SAMD4A: variants seen among roughly 807,000 people sequenced by gnomAD.
SAMD4A encodes the protein protein Smaug homolog 1.
In SAMD4A, 33 loss-of-function variants were observed where a neutral mutation model predicts 81.3. That is an observed-to-expected ratio of 0.41 (90% CI 0.31 to 0.54). SAMD4A has a LOEUF of 0.54. Ranked by LOEUF, SAMD4A falls within the 20% of genes least tolerant of loss-of-function variation. SAMD4A has a pLI of 0.37. For missense variants in SAMD4A, 854 were observed against 951.1 expected (o/e 0.90, Z 1.34); for synonymous variants, 389 against 382.1 (o/e 1.02, Z -0.21).
At chr14:54,709,671 C>A (rs1170490787) in intron 3 of SAMD4A, among the ~76,000 whole-genome samples, 1 of 152,150 alleles carries the variant, frequency 6.6e-6, no homozygotes, top group Non-Finnish European at 1.5e-5. Flanking sequence ...GTGTTCTTCA[C>A]CACGAGCCTG....
intron 3 of SAMD4A, among the ~76,000 whole-genome samples, chr14:54,708,436 T>C (rs963725709): frequency 9.9e-5 from 15 of 152,160 alleles, no homozygotes; most frequent in Non-Finnish European, 1.8e-4. Context: ...GTGTGCAGTT[T>C]GGGAGAGAGA....
At chr14:54,659,874 T>G (rs943559101) in intron 2 of SAMD4A, among the ~76,000 whole-genome samples, 18 of 152,150 alleles carry the variant, frequency 1.2e-4, no homozygotes, top group African/African-American at 4.3e-4. Flanking sequence ...ATGTCCTCAC[T>G]GTGGGTCATG....
At chr14:54,708,130 A>C (rs912041964) in intron 3 of SAMD4A, among the ~76,000 whole-genome samples, 3 of 152,244 alleles carry the variant, frequency 2.0e-5, no homozygotes, top group Non-Finnish European at 4.4e-5. Flanking sequence ...AGGCAAGAGA[A>C]GATGGCTCAA....
chr14:54,701,033 G>A (rs1037551623), intron 2 of SAMD4A: 6 of 129,382 alleles, frequency 4.6e-5, no homozygotes, highest in African/African-American at 1.4e-4. Context: ...GGTCTCCTCT[G>A]TCACCCAAGC....
At chr14:54,758,906 C>A (rs112098364) in intron 6 of SAMD4A, among the ~76,000 whole-genome samples, 5 of 152,178 alleles carry the variant, frequency 3.3e-5, no homozygotes, top group African/African-American at 9.6e-5. Flanking sequence ...CCTAGGAAGA[C>A]CTTGATGTGC....
intron 2 of SAMD4A, among the ~76,000 whole-genome samples, chr14:54,598,191 A>G (rs1019381174): frequency 3.3e-5 from 5 of 152,240 alleles, no homozygotes; most frequent in Non-Finnish European, 7.3e-5. Flanking sequence ...TTAAATATCT[A>G]GAAAATGACA....
intron 2 of SAMD4A, among the ~76,000 whole-genome samples, chr14:54,648,832 C>T (rs887382257): frequency 2.6e-5 from 4 of 152,132 alleles, no homozygotes; most frequent in African/African-American, 7.2e-5. Flanking sequence ...GAATGCGGCA[C>T]AGAGAGTAAT....
At chr14:54,672,849 G>C (rs963242221) in intron 2 of SAMD4A, among the ~76,000 whole-genome samples, 1 of 152,204 alleles carries the variant, frequency 6.6e-6, no homozygotes, top group African/African-American at 2.4e-5. Flanking sequence ...GTAATTTGTT[G>C]CTCTGAAACC....
chr14:54,659,434 C>T (rs1214779198), intron 2 of SAMD4A, among the ~76,000 whole-genome samples: 1 of 152,106 alleles, frequency 6.6e-6, no homozygotes, highest in Non-Finnish European at 1.5e-5. Context: ...CCGTCTGTCT[C>T]TCTTTTTGGT....
At chr14:54,784,883 T>A (rs2039094973) in intron 12 of SAMD4A, among the ~76,000 whole-genome samples, 1 of 152,052 alleles carries the variant, frequency 6.6e-6, no homozygotes, top group African/African-American at 2.4e-5. Context: ...TGTCCCTCTG[T>A]CCCCAGAAGC....
intron 7 of SAMD4A, among the ~76,000 whole-genome samples, chr14:54,761,296 T>G (rs1288704914): frequency 2.0e-5 from 3 of 152,234 alleles, no homozygotes; most frequent in African/African-American, 7.2e-5. Flanking sequence ...ATTTGAACCC[T>G]GCAGTCTCTC....
Position 54,763,254 on chromosome 14 carries a change from C to T in SAMD4A, c.1511-1201C>T, listed in dbSNP as rs542168384. Among the ~76,000 whole-genome samples the T allele has an allele frequency of 5.3e-5, 8 of 151,930 alleles. No individual in the cohort carries two copies. In the East Asian group the frequency reaches 1.2e-3, roughly 22 times the overall value. ...CTATAGCCGGACACGGTGGCTCATG[C>T]CTGTAATCCCGGCACTTTGGGAGGC... On this transcript the variant is annotated intron_variant, in intron 7 of 12. Coordinates refer to ENST00000554335, the MANE Select transcript of SAMD4A (RefSeq NM_015589.6).
intron 2 of SAMD4A, among the ~76,000 whole-genome samples, chr14:54,583,531 C>T (rs542399681): frequency 6.6e-6 from 1 of 152,288 alleles, no homozygotes; most frequent in South Asian, 2.1e-4. Flanking sequence ...TGGGACATTA[C>T]CTGTAGTTGG....
Position 54,703,204 on chromosome 14 carries a change from C to T in SAMD4A, c.715+624C>T, listed in dbSNP as rs192775691. The T allele has an allele frequency of 9.9e-4, 153 of 154,340 alleles. 1 individual carries two copies. Among genetic ancestry groups the T allele is most frequent in the Admixed American group, 7.1e-3 (112 of 15,740 alleles). 9.6% of individuals were successfully genotyped at this position (154,340 alleles called of 1,614,324 possible). On this transcript the variant is annotated intron_variant, in intron 3 of 12. Coordinates refer to ENST00000554335, the MANE Select transcript of SAMD4A (RefSeq NM_015589.6). ...TGGTGAGAATGCCATGGACTTCTCT[C>T]GCTCAGTCCAACACCTTAGGAGAGG...
chr14:54,767,640 G>T (rs1400172375), intron 8 of SAMD4A, among the ~76,000 whole-genome samples: 1 of 152,230 alleles, frequency 6.6e-6, no homozygotes. Context: ...GGTGACTAGG[G>T]GTGCCTGGGC....
intron 5 of SAMD4A, among the ~76,000 whole-genome samples, chr14:54,750,940 G>A (rs543051236): frequency 3.9e-5 from 6 of 152,278 alleles, no homozygotes; most frequent in African/African-American, 7.2e-5. Flanking sequence ...CAAAAGACAC[G>A]GGCAAATATG....
At chr14:54,764,598 CAG>C (rs1420815013) in intron 8 of SAMD4A, 58 bp downstream of exon 8, 1 of 1,158,616 alleles carries the variant, frequency 8.6e-7, no homozygotes. Flanking sequence ...AAATGGTTCT[CAG>C]AGTTTCTGTG....
At chr14:54,701,855 T>C (rs2036727188) in intron 2 of SAMD4A, among the ~76,000 whole-genome samples, 1 of 152,246 alleles carries the variant, frequency 6.6e-6, no homozygotes, top group Non-Finnish European at 1.5e-5. Flanking sequence ...ACTCAATATC[T>C]AAGAATGTTT....
intron 2 of SAMD4A, among the ~76,000 whole-genome samples, chr14:54,683,939 CATAGA>C (rs1280722511): frequency 6.6e-6 from 1 of 152,044 alleles, no homozygotes; most frequent in Non-Finnish European, 1.5e-5. Context: ...AAAATATTGC[CATAGA>C]AAAGAGTTTT....
Sources: gnomAD v4.1 joint callset for allele counts (sites outside exome capture counted in the v4.1 genomes callset) on GRCh38, gnomAD v4.1.1 for gene constraint, MANE v1.5 for transcripts, NCBI Gene and HGNC (gene_info 2026-07-23, HGNC 2026-07-21) for gene names.